Variants in AGBL4 observed in about 807,000 individuals in gnomAD.
AGBL4 encodes the protein cytosolic carboxypeptidase 6.
Under a neutral mutation model 66.4 loss-of-function variants are expected in AGBL4, and 58 were observed. That is an observed-to-expected ratio of 0.87 (90% CI 0.71 to 1.09). The LOEUF is 1.09. Among genes scored for constraint, AGBL4 ranks in the 50% least tolerant of loss-of-function variants. The pLI, the probability that AGBL4 is intolerant of heterozygous loss-of-function variation, is 0.00. For synonymous variants in AGBL4, 234 were observed against 222.9 expected, an observed-to-expected ratio of 1.05 and a Z score of -0.44; for missense variants, 579 against 631.0, an observed-to-expected ratio of 0.92 and a Z score of 0.88.
At chr1:48,969,604 A>G (rs949598688) in intron 5 of AGBL4, among the ~76,000 whole-genome samples, 3 of 151,742 alleles carry the variant, frequency 2.0e-5, no homozygotes, top group African/African-American at 7.3e-5. Flanking sequence ...TCCCTCCCTT[A>G]TTCCCTCTCT....
chr1:49,771,291 ATGTAT>A (rs1644051337), intron 2 of AGBL4, among the ~76,000 whole-genome samples: 1 of 152,012 alleles, frequency 6.6e-6, no homozygotes, highest in South Asian at 2.1e-4. Context: ...TTTAATTTCC[ATGTAT>A]TTGAAAGGTT....
intron 1 of AGBL4, among the ~76,000 whole-genome samples, chr1:49,896,482 A>T (rs1343632263): frequency 1.3e-5 from 2 of 151,084 alleles, no homozygotes; most frequent in African/African-American, 4.8e-5. Flanking sequence ...TTTACCAAAT[A>T]TTTAAAGCAC....
intron 3 of AGBL4, among the ~76,000 whole-genome samples, chr1:49,451,061 CATTCT>C (rs1646268023): frequency 6.6e-6 from 1 of 152,030 alleles, no homozygotes; most frequent in Admixed American, 6.6e-5. Context: ...CTTCCAAGCA[CATTCT>C]TGTTATTAGC....
chr1:49,660,877 C>T (rs1488521588), intron 3 of AGBL4, among the ~76,000 whole-genome samples: 1 of 151,824 alleles, frequency 6.6e-6, no homozygotes, highest in African/African-American at 2.4e-5. Flanking sequence ...CACATGTTCT[C>T]ACTTGTAAGT....
At chr1:49,768,456 CTTT>C (rs1341339257) in intron 2 of AGBL4, among the ~76,000 whole-genome samples, 2 of 152,090 alleles carry the variant, frequency 1.3e-5, no homozygotes, top group Admixed American at 6.5e-5. Flanking sequence ...ACAGAAAATG[CTTT>C]TGATAGAAAC....
chr1:48,744,125 C>A (rs1298549769), intron 6 of AGBL4, among the ~76,000 whole-genome samples: 2 of 152,130 alleles, frequency 1.3e-5, no homozygotes, highest in Non-Finnish European at 2.9e-5. Context: ...CCTGGCAGAG[C>A]GAAGGACCAA....
At chr1:48,840,935 G>A (rs1646782911) in intron 6 of AGBL4, among the ~76,000 whole-genome samples, 1 of 146,010 alleles carries the variant, frequency 6.8e-6, no homozygotes, top group Non-Finnish European at 1.5e-5. Context: ...GGAATTGTAA[G>A]CAATGAAAAG....
intron 5 of AGBL4, among the ~76,000 whole-genome samples, chr1:49,040,227 A>G (rs1050979412): frequency 1.3e-5 from 2 of 152,078 alleles, no homozygotes; most frequent in African/African-American, 4.8e-5. Context: ...TGAGAAAATG[A>G]TCAATATAAT....
At chr1:49,766,711 T>C (rs1236133453) in intron 2 of AGBL4, among the ~76,000 whole-genome samples, 2 of 150,254 alleles carry the variant, frequency 1.3e-5, no homozygotes, top group African/African-American at 2.4e-5. Flanking sequence ...ACAACACACA[T>C]AGGCTCTAAG....
chr1:49,455,002 T>C (rs1423250619), intron 3 of AGBL4, among the ~76,000 whole-genome samples: 1 of 151,656 alleles, frequency 6.6e-6, no homozygotes, highest in Non-Finnish European at 1.5e-5. Flanking sequence ...CCCTCTATAG[T>C]AGGTAATATT....
At chr1:49,639,139 G>A (rs898289981) in intron 3 of AGBL4, among the ~76,000 whole-genome samples, 3 of 151,974 alleles carry the variant, frequency 2.0e-5, no homozygotes, top group African/African-American at 4.8e-5. Context: ...AAGATACCTC[G>A]GCACCTAGAA....
intron 3 of AGBL4, among the ~76,000 whole-genome samples, chr1:49,678,690 T>G (rs921512596): frequency 2.6e-5 from 4 of 152,168 alleles, no homozygotes; most frequent in Non-Finnish European, 5.9e-5. Flanking sequence ...GTTTTTTAAA[T>G]TTCATTGGGA....
At chr1:49,740,607 GCACCA>G (rs1234071200) in intron 2 of AGBL4, among the ~76,000 whole-genome samples, 1 of 152,126 alleles carries the variant, frequency 6.6e-6, no homozygotes, top group African/African-American at 2.4e-5. Context: ...ATTCTTTTCA[GCACCA>G]CACCACACCT....
In AGBL4 at chr1:48,730,581, A is replaced by G. The variant is rs972974033; in HGVS notation, c.635-67340T>C. ...AGTCAGGGAAGTGGTAGAAGGAGAA[A>G]GGTGCAAATGGAGGAAGGTTTTTGG... On this transcript the variant is annotated intron_variant, in intron 6 of 13. Coordinates refer to ENST00000371839, the MANE Select transcript of AGBL4 (RefSeq NM_032785.4). 2.6e-5 allele frequency among the ~76,000 whole-genome samples: 4 copies of G among 152,142 alleles called. No individual in the cohort carries two copies. The East Asian group carries it at 7.7e-4, about 29-fold the overall frequency.
chr1:49,652,171 C>T (rs966351041), intron 3 of AGBL4, among the ~76,000 whole-genome samples: 2 of 152,080 alleles, frequency 1.3e-5, no homozygotes, highest in Non-Finnish European at 2.9e-5. Flanking sequence ...ATTTAATGAA[C>T]AAAGCCTTCA....
At chr1:49,956,639 T>A (rs1656630089) in intron 1 of AGBL4, among the ~76,000 whole-genome samples, 1 of 151,896 alleles carries the variant, frequency 6.6e-6, no homozygotes, top group Non-Finnish European at 1.5e-5. Context: ...TCAAGCTTGA[T>A]CCTCATTTAA....
intron 4 of AGBL4, among the ~76,000 whole-genome samples, chr1:49,109,734 AC>A (rs746022501): frequency 2.0e-4 from 30 of 152,238 alleles, no homozygotes; most frequent in South Asian, 1.7e-3. Context: ...TAATTTACCT[AC>A]CAACAGCTTT....
chr1:48,641,740 T>G (rs1645758364), intron 8 of AGBL4, among the ~76,000 whole-genome samples: 1 of 152,050 alleles, frequency 6.6e-6, no homozygotes, highest in Admixed American at 6.6e-5. Context: ...TTGACCATGG[T>G]CCAGCAAGGA....
At chr1:48,791,224 G>C (rs960838811) in intron 6 of AGBL4, among the ~76,000 whole-genome samples, 3 of 152,174 alleles carry the variant, frequency 2.0e-5, no homozygotes, top group Non-Finnish European at 4.4e-5. Flanking sequence ...TTCAGTAAAA[G>C]GTAATCTCAT....
Sources: gnomAD v4.1 joint callset for allele counts (sites outside exome capture counted in the v4.1 genomes callset) on GRCh38, gnomAD v4.1.1 for gene constraint, MANE v1.5 for transcripts, NCBI Gene and HGNC (gene_info 2026-07-23, HGNC 2026-07-21) for gene names.